The following NCOR2 variants were observed in gnomAD, a reference collection of about 807,000 sequenced individuals.
NCOR2 encodes CTG repeat protein 26.
NCOR2 carries 81 observed loss-of-function variants against 262.9 expected under a neutral mutation model. The observed-to-expected ratio is 0.31, with a 90% CI of 0.26 to 0.37. The LOEUF is 0.37. Among genes scored for constraint, NCOR2 ranks in the 10% least tolerant of loss-of-function variants. The probability of loss-of-function intolerance (pLI) is 1.00; values close to 1 mark genes in which losing one functional copy is unlikely to be tolerated. For synonymous variants in NCOR2, 1,659 were observed against 1,559.3 expected (o/e 1.06, Z -1.51); for missense variants, 3,385 against 3,621.4 (o/e 0.93, Z 1.68).
chr12:124,466,191 G>T, exon 5 of NCOR2: 1 of 1,609,240 alleles, frequency 6.2e-7, no homozygotes, highest in Non-Finnish European at 8.5e-7. Flanking sequence ...CGTCGTAGAT[G>T]ATCTGCACCA....
intron 1 of NCOR2, among the ~76,000 whole-genome samples, chr12:124,534,837 T>C (rs2051042364): frequency 6.6e-6 from 1 of 152,222 alleles, no homozygotes; most frequent in Non-Finnish European, 1.5e-5. Flanking sequence ...CCACCCATTC[T>C]GGAGTGTTGC....
intron 11 of NCOR2, among the ~76,000 whole-genome samples, 188 bp downstream of exon 13, chr12:124,426,426 CGGCCCCCA>C (rs1388107532): frequency 6.6e-6 from 1 of 152,230 alleles, no homozygotes. Context: ...CTCTCCCTTA[CGGCCCCCA>C]GAAAGAACCA....
At chr12:124,498,512 C>T (rs2048498169), upstream of NCOR2, among the ~76,000 whole-genome samples, 2 of 152,196 alleles carry the variant, frequency 1.3e-5, no homozygotes, top group Non-Finnish European at 2.9e-5. Context: ...CACCCTCACT[C>T]ACCACGAGCT....
intron 24 of NCOR2, 130 bp from the exon 27 acceptor site, chr12:124,355,069 G>C: frequency 1.3e-6 from 1 of 756,182 alleles, no homozygotes; most frequent in South Asian, 1.7e-5. Context: ...GCTGTGTGAC[G>C]GCAGACAAGT....
rs2045952112 is a variant in NCOR2, at chr12:124,457,639, C to G, written c.706-477G>C. 6.6e-6 allele frequency among the ~76,000 whole-genome samples: 1 copy of G among 151,900 alleles called. No individual in the cohort carries two copies. Among genetic ancestry groups the G allele is most frequent in the Non-Finnish European group, 1.5e-5 (1 of 67,950 alleles). On this transcript the variant is annotated intron_variant, in intron 5 of 46. Transcript: ENST00000405201. The surrounding 1 kb of genome is among the most constrained non-coding windows in gnomAD (Gnocchi z 4.0). Reference sequence around the variant, plus strand: ...GTGAGATAGAGGCGCTCGGAGATACCCTTTCTAGGATTCTTGTGTTTCACA... The same window carrying G: ...GTGAGATAGAGGCGCTCGGAGATACGCTTTCTAGGATTCTTGTGTTTCACA...
intron 1 of NCOR2, among the ~76,000 whole-genome samples, chr12:124,559,678 A>C (rs1165610946): frequency 6.6e-6 from 1 of 152,226 alleles, no homozygotes; most frequent in Non-Finnish European, 1.5e-5. Context: ...AAAATCAGAG[A>C]GCAAGCTCAG....
At chr12:124,385,969 C>T (rs1227002297) in intron 16 of NCOR2, 82 bp from the exon 19 acceptor site, 13 of 1,518,726 alleles carry the variant, frequency 8.6e-6, no homozygotes, top group Middle Eastern at 1.8e-4. Flanking sequence ...GGGCGGCAAA[C>T]GGGCCTGGAG....
At chr12:124,515,411 C>T (rs2049675534) in intron 1 of NCOR2, among the ~76,000 whole-genome samples, 1 of 152,024 alleles carries the variant, frequency 6.6e-6, no homozygotes, top group Non-Finnish European at 1.5e-5. Flanking sequence ...ATCCCAGGAT[C>T]CTGTGTGCCC....
At chr12:124,342,881 C>A in intron 33 of NCOR2, 124 bp downstream of exon 35, 1 of 1,008,140 alleles carries the variant, frequency 9.9e-7, no homozygotes, top group Non-Finnish European at 1.4e-6. Context: ...AATCCCGAGG[C>A]CTCAGTTTCG....
chr12:124,498,502 C>T (rs867550560), upstream of NCOR2, among the ~76,000 whole-genome samples: 1 of 152,190 alleles, frequency 6.6e-6, no homozygotes, highest in African/African-American at 2.4e-5. Context: ...AACCTCGTGC[C>T]ACCCTCACTC....
chr12:124,465,365 T>C (rs2046367360), intron 5 of NCOR2, among the ~76,000 whole-genome samples: 1 of 152,184 alleles, frequency 6.6e-6, no homozygotes, highest in Admixed American at 6.5e-5. Flanking sequence ...TGGTAGTGGC[T>C]TGACTGGGAA....
In NCOR2 at chr12:124,347,822, TAC is replaced by T. The variant is rs1409266926; in HGVS notation, c.4072+1_4072+2del. On this transcript the variant is annotated splice_donor_variant, in intron 30 of 46. Transcript: ENST00000405201. LOFTEE classifies it high-confidence loss of function. ...AACGAGGGAGCAGGGAACAGGGCAG[TAC>T]CTTGTGTGATGGACCCGCGGATGTG... 1 of 1,560,860 alleles carries T rather than the reference TAC, an allele frequency of 6.4e-7. No individual in the cohort carries two copies. Among genetic ancestry groups the T allele is most frequent in the Non-Finnish European group, 8.7e-7 (1 of 1,151,764 alleles).
intron 3 of NCOR2, among the ~76,000 whole-genome samples, chr12:124,477,796 A>G (rs934430217): frequency 6.6e-6 from 1 of 152,020 alleles, no homozygotes; most frequent in African/African-American, 2.4e-5. Context: ...ACAAAACAAC[A>G]AACTAATACA....
At position 124,466,390 on chromosome 12, in the gene NCOR2, C is replaced by T. The variant is rs113339627; in HGVS notation, c.592-104G>A. ...GCCCCCTTGCAGCCCGGGCCACGGC[C>T]GCGCACAGGAAGTCAGGCTGCTACA... On this transcript the variant is annotated intron_variant, in intron 4 of 46. Transcript: ENST00000405201. 3,015 of 987,606 alleles carry T rather than the reference C, an allele frequency of 3.1e-3. 60 individuals carry two copies. The African/African-American group carries it at 0.045, about 15-fold the overall frequency. The allele number at this position is 987,606 out of a possible 1,614,324, so 61.2% of individuals were successfully genotyped here.
At chr12:124,363,980 G>A (rs2038814360) in intron 20 of NCOR2, among the ~76,000 whole-genome samples, 181 bp from the exon 23 acceptor site, 1 of 152,212 alleles carries the variant, frequency 6.6e-6, no homozygotes. Context: ...TGGGAAAACA[G>A]ACCAAGATTT....
chr12:124,374,830 G>A (rs540035891), intron 18 of NCOR2, among the ~76,000 whole-genome samples: 18 of 152,366 alleles, frequency 1.2e-4, no homozygotes, highest in African/African-American at 4.1e-4. Context: ...AGTGGGAGGT[G>A]TTGACCTCAG....
exon 43 of NCOR2, chr12:124,332,418 A>C: frequency 6.2e-7 from 1 of 1,614,230 alleles, no homozygotes; most frequent in Non-Finnish European, 8.5e-7. Flanking sequence ...AGCTTGCTGA[A>C]GAAGGCTGGC....
intron 1 of NCOR2, among the ~76,000 whole-genome samples, chr12:124,505,956 A>C (rs1217482111): frequency 6.6e-6 from 1 of 152,096 alleles, no homozygotes; most frequent in East Asian, 1.9e-4. Flanking sequence ...AAAATAGGCC[A>C]GGTGCAAAAC....
At chr12:124,550,607 T>C (rs2051685722) in intron 1 of NCOR2, among the ~76,000 whole-genome samples, 1 of 152,204 alleles carries the variant, frequency 6.6e-6, no homozygotes, top group Non-Finnish European at 1.5e-5. Flanking sequence ...GGTTGTATTT[T>C]TTATGTGCAA....
Sources: allele counts gnomAD v4.1 joint callset (sites outside exome capture counted in the v4.1 genomes callset), GRCh38; gene constraint gnomAD v4.1.1; non-coding constraint Gnocchi (gnomAD v3.1); transcripts MANE v1.5; gene names NCBI Gene and HGNC (gene_info 2026-07-23, HGNC 2026-07-21).